P3H2: variants seen among roughly 807,000 people sequenced by gnomAD.
The protein encoded by P3H2 is leprecan-like 1.
A neutral mutation model predicts 87.0 loss-of-function variants in P3H2; 80 were observed. The observed-to-expected ratio is 0.92, with a 90% CI of 0.77 to 1.11. The LOEUF (loss-of-function observed/expected upper bound fraction) is 1.11. Ranked by LOEUF, P3H2 falls within the 50% of genes least tolerant of loss-of-function variation. The probability of loss-of-function intolerance (pLI) is 0.00; values close to 1 mark genes in which losing one functional copy is unlikely to be tolerated. For synonymous variants in P3H2, 367 were observed against 359.3 expected (o/e 1.02, Z -0.24); for missense variants, 1,001 against 923.9 (o/e 1.08, Z -1.08).
chr3:190,084,221 A>C (rs1727141251), intron 1 of P3H2, among the ~76,000 whole-genome samples: 1 of 152,182 alleles, frequency 6.6e-6, no homozygotes, highest in Non-Finnish European at 1.5e-5. Context: ...CTCACCATTC[A>C]CTTCCTTTAC....
At chr3:189,986,702 A>C in intron 6 of P3H2, 86 bp downstream of exon 6, 1 of 986,312 alleles carries the variant, frequency 1.0e-6, no homozygotes, top group South Asian at 1.3e-5. Flanking sequence ...TTTGAGGTAA[A>C]TGGCAAAAAT....
chr3:190,015,696 C>G (rs1171848571), intron 1 of P3H2, among the ~76,000 whole-genome samples: 3 of 152,120 alleles, frequency 2.0e-5, no homozygotes, highest in Non-Finnish European at 4.4e-5. Flanking sequence ...CATCATTGCA[C>G]TCAGCCTGGA....
At chr3:190,036,876 C>T (rs1300618804) in intron 1 of P3H2, among the ~76,000 whole-genome samples, 2 of 152,038 alleles carry the variant, frequency 1.3e-5, no homozygotes, top group Non-Finnish European at 2.9e-5. Flanking sequence ...CAACAAAGGC[C>T]TCCAAAGGCA....
At chr3:190,108,365 C>A (rs1290491042) in intron 1 of P3H2, among the ~76,000 whole-genome samples, 2 of 152,104 alleles carry the variant, frequency 1.3e-5, no homozygotes, top group African/African-American at 4.8e-5. Context: ...GTAACACATT[C>A]CACTCCCCTC....
At chr3:189,980,990 G>T (rs710552) in intron 8 of P3H2, among the ~76,000 whole-genome samples, 137,206 of 152,272 alleles carry the variant, frequency 0.9, 61,841 homozygotes, top group East Asian at 0.92. Flanking sequence ...ACAACAAGAT[G>T]TGATGAGCTT....
Position 189,957,321 on chromosome 3 carries a change from C to A in P3H2, c.*591G>T, listed in dbSNP as rs908622764. 3 of 400,440 alleles carry A rather than the reference C, an allele frequency of 7.5e-6. No homozygotes were observed. The highest frequency in any genetic ancestry group is 1.3e-5 in the Non-Finnish European group (3 of 228,004). 24.8% of individuals were successfully genotyped at this position (400,440 alleles called of 1,614,324 possible). A position where few individuals can be genotyped will look rare whatever the true frequency, so the allele number is the denominator to read the frequency against. ...AAGGATGTGGCTGAAAGGCACAGAG[C>A]AAGAAAGGGCTTCAGAGACCAGGCA... On this transcript the variant is annotated 3_prime_UTR_variant, in exon 15 of 15. Coordinates refer to ENST00000319332, the MANE Select transcript of P3H2 (RefSeq NM_018192.4).
intron 1 of P3H2, among the ~76,000 whole-genome samples, chr3:190,024,114 G>A (rs1725013987): frequency 6.6e-6 from 1 of 152,188 alleles, no homozygotes; most frequent in African/African-American, 2.4e-5. Flanking sequence ...TGCTTGGTAT[G>A]AAATAAATTA....
intron 13 of P3H2, among the ~76,000 whole-genome samples, chr3:189,965,707 C>T (rs1395189319): frequency 2.0e-5 from 3 of 151,956 alleles, no homozygotes; most frequent in Non-Finnish European, 4.4e-5. Flanking sequence ...CTTCTGAGGC[C>T]GGGCGTGGTG....
chr3:190,117,917 G>A (rs544100405), intron 1 of P3H2, among the ~76,000 whole-genome samples: 68 of 152,230 alleles, frequency 4.5e-4, no homozygotes, highest in Non-Finnish European at 8.4e-4. Context: ...GGGAGAAGAC[G>A]CAAGACTTGT....
intron 14 of P3H2, 109 bp from the exon 15 acceptor site, chr3:189,958,113 A>C (rs752845189): frequency 1.0e-5 from 8 of 792,080 alleles, no homozygotes; most frequent in Non-Finnish European, 1.6e-5. Flanking sequence ...GGTTGATGCT[A>C]TATCCAGTTA....
chr3:190,037,193 T>C (rs1158186917), intron 1 of P3H2, among the ~76,000 whole-genome samples: 1 of 152,160 alleles, frequency 6.6e-6, no homozygotes, highest in Non-Finnish European at 1.5e-5. Context: ...ATCATATAGC[T>C]GGAAAGGAGA....
rs770628547 is a variant in P3H2 at position 189,962,161 on chromosome 3, C to CTTTTTTTTTTTTTTTTT, written c.2034+1780_2034+1796dup. ...GCCTTTCTTTCTTTTTCTTCTTCTT[C>CTTTTTTTTTTTTTTTTT]TTTTTTTTTTTTTTTTTTTTTTTTA... On this transcript the variant is annotated intron_variant, in intron 14 of 14. Coordinates refer to ENST00000319332, the MANE Select transcript of P3H2 (RefSeq NM_018192.4). 1.1e-4 allele frequency among the ~76,000 whole-genome samples: 10 copies of CTTTTTTTTTTTTTTTTT among 87,648 alleles called. 2 individuals carry two copies. The highest frequency in any genetic ancestry group is 3.3e-4 in the African/African-American group (7 of 21,166). 57.5% of individuals were successfully genotyped at this position (87,648 alleles called of 152,430 possible).
intron 1 of P3H2, among the ~76,000 whole-genome samples, chr3:190,045,028 T>C (rs1725757212): frequency 6.6e-6 from 1 of 152,126 alleles, no homozygotes; most frequent in Non-Finnish European, 1.5e-5. Flanking sequence ...AAGTATTTAA[T>C]AACAATTGAG....
intron 1 of P3H2, among the ~76,000 whole-genome samples, chr3:190,047,464 T>A (rs750002721): frequency 1.5e-4 from 23 of 152,338 alleles, no homozygotes; most frequent in Middle Eastern, 3.4e-3. Flanking sequence ...TCACAATAGC[T>A]AAGCTGTGAA....
chr3:189,966,133 A>AAG (rs763976535), intron 13 of P3H2, among the ~76,000 whole-genome samples: 1 of 81,862 alleles, frequency 1.2e-5, no homozygotes, highest in Non-Finnish European at 2.7e-5. Context: ...AAAAGAAAGA[A>AAG]AGAAAGAAAG....
At position 190,066,376 on chromosome 3, in the gene P3H2, T is replaced by C. The variant is rs1312782711; in HGVS notation, c.480+53876A>G. Among the ~76,000 whole-genome samples the C allele has an allele frequency of 3.3e-5, 5 of 152,170 alleles. No homozygotes were observed. In the East Asian group the frequency reaches 7.7e-4, roughly 24 times the overall value. ...TTGGTGACTATTATTCTAAGAGAAGTAACTCAGGAATGGAAAACAAAACAT... is the reference window on the plus strand; with the variant it reads ...TTGGTGACTATTATTCTAAGAGAAGCAACTCAGGAATGGAAAACAAAACAT... On this transcript the variant is annotated intron_variant, in intron 1 of 14. Transcript: ENST00000319332.
intron 3 of P3H2, among the ~76,000 whole-genome samples, chr3:189,990,431 T>C (rs1723842076): frequency 6.6e-6 from 1 of 152,142 alleles, no homozygotes; most frequent in Non-Finnish European, 1.5e-5. Context: ...ACATTCCTTT[T>C]AATTCCAAGT....
chr3:190,120,422 CG>C lies in P3H2; in HGVS notation c.309del (p.Gly104AlafsTer100). On this transcript the variant is annotated frameshift_variant, in exon 1 of 15. Coordinates refer to ENST00000319332, the MANE Select transcript of P3H2 (RefSeq NM_018192.4). LOFTEE classifies it high-confidence loss of function. ...PLPPPPPGEGPGAELPLFRSL... is the reference protein window; with the variant it reads ...PLPPPPPGEGXGAELPLFRSL... ...GAGCGGAAAAGGGGCAGCTCAGCGC[CG>C]GGGCCCTCGCCGGGGGGCGGGGGCG... 1.4e-6 allele frequency: 2 copies of C among 1,400,712 alleles called. No homozygotes were observed. 86.8% of individuals were successfully genotyped at this position (1,400,712 alleles called of 1,614,324 possible). A position where few individuals can be genotyped will look rare whatever the true frequency, so the allele number is the denominator to read the frequency against.
At chr3:190,005,403 C>G (rs532956085) in intron 1 of P3H2, among the ~76,000 whole-genome samples, 1 of 152,284 alleles carries the variant, frequency 6.6e-6, no homozygotes, top group African/African-American at 2.4e-5. Context: ...TAAATTGTAA[C>G]AATGCTAGGA....
Sources: gnomAD v4.1 joint callset for allele counts (sites outside exome capture counted in the v4.1 genomes callset) on GRCh38, gnomAD v4.1.1 for gene constraint, MANE v1.5 for transcripts, NCBI Gene and HGNC (gene_info 2026-07-23, HGNC 2026-07-21) for gene names.